Variants in PLCE1 observed in about 807,000 individuals in gnomAD.
PLCE1 encodes the protein 1-phosphatidylinositol 4,5-bisphosphate phosphodiesterase epsilon-1.
A neutral mutation model predicts 242.8 loss-of-function variants in PLCE1; 119 were observed. The ratio of observed to expected loss-of-function variants is 0.49; its 90% CI spans 0.42 to 0.57. PLCE1 has a LOEUF of 0.57. Ranked by LOEUF, PLCE1 falls within the 20% of genes least tolerant of loss-of-function variation. PLCE1 has a pLI of 0.00. For missense variants in PLCE1, 2,441 were observed against 2,788.8 expected (o/e 0.88, Z 2.81); for synonymous variants, 945 against 1,017.4 (o/e 0.93, Z 1.35).
At chr10:94,287,366 AC>A (rs2052487751) in intron 22 of PLCE1, 1 of 151,778 alleles carries the variant, frequency 6.6e-6, no homozygotes, top group Non-Finnish European at 1.5e-5. Context: ...AATACTATAA[AC>A]TGTTCATTTT....
intron 3 of PLCE1, among the ~76,000 whole-genome samples, chr10:94,140,083 GA>G (rs920036723): frequency 1.0e-4 from 15 of 150,358 alleles, no homozygotes; most frequent in African/African-American, 2.4e-4. Context: ...TTATGTATTA[GA>G]AAAAAAAACT....
At chr10:94,204,109 T>TA (rs954315456) in intron 4 of PLCE1, among the ~76,000 whole-genome samples, 1 of 151,894 alleles carries the variant, frequency 6.6e-6, no homozygotes, top group Non-Finnish European at 1.5e-5. Context: ...AATGGTAGAA[T>TA]AAAAAAACTA....
At chr10:94,147,371 A>G (rs1322152487) in intron 3 of PLCE1, among the ~76,000 whole-genome samples, 1 of 152,050 alleles carries the variant, frequency 6.6e-6, no homozygotes, top group Non-Finnish European at 1.5e-5. Context: ...GCAGTGAGCC[A>G]AGATGGCGCC....
chr10:94,273,414 G>C (rs2051822987), intron 18 of PLCE1, 148 bp from the exon 19 acceptor site: 2 of 779,906 alleles, frequency 2.6e-6, no homozygotes, highest in Admixed American at 4.5e-5. Flanking sequence ...GGCAGGAGCA[G>C]GGGACAGCTT....
intron 1 of PLCE1, among the ~76,000 whole-genome samples, chr10:94,008,772 C>A: frequency 6.6e-6 from 1 of 152,166 alleles, no homozygotes; most frequent in East Asian, 1.9e-4. Flanking sequence ...AACAAGCCAT[C>A]TGGGGCAACA....
chr10:94,093,896 G>A (rs1020483452), intron 2 of PLCE1, among the ~76,000 whole-genome samples: 1 of 150,704 alleles, frequency 6.6e-6, no homozygotes, highest in African/African-American at 2.4e-5. Context: ...GAGATGTGGA[G>A]TGGAGATGAA....
intron 19 of PLCE1, chr10:94,279,438 G>A (rs1353233208): frequency 3.0e-6 from 1 of 337,126 alleles, no homozygotes; most frequent in Non-Finnish European, 5.5e-6. Context: ...AAATTGATGG[G>A]TGATTCACTT....
intron 14 of PLCE1, 117 bp from the exon 15 acceptor site, chr10:94,265,530 T>A (rs1341069921): frequency 8.0e-6 from 7 of 876,334 alleles, no homozygotes; most frequent in African/African-American, 3.3e-5. Context: ...AGTTCAAATA[T>A]TTGGTTTAGA....
chr10:94,236,040 T>C lies in PLCE1; in HGVS notation c.2340T>C (p.Ser780=). The C allele has an allele frequency of 6.2e-7, 1 of 1,614,116 alleles. No homozygotes were observed. The highest frequency in any genetic ancestry group is 8.5e-7 in the Non-Finnish European group (1 of 1,179,994). ...IFQVIRSCNR[S]LETDEEDSPS... ...AGGTCATCCGGAGCTGCAATCGAAG[T>C]CTGGAGACAGACGAGGAGGACAGCC... Residue 780 remains serine, a synonymous_variant, in exon 7 of 33, where the codon AGT becomes AGC. Transcript: ENST00000371380.
chr10:94,088,244 G>T (rs2044914928), intron 2 of PLCE1: 1 of 152,218 alleles, frequency 6.6e-6, no homozygotes, highest in Non-Finnish European at 1.5e-5. Context: ...ATGCATGAAA[G>T]TGCTTACACA....
At chr10:94,172,690 G>A (rs2048021488) in intron 4 of PLCE1, among the ~76,000 whole-genome samples, 1 of 152,120 alleles carries the variant, frequency 6.6e-6, no homozygotes, top group African/African-American at 2.4e-5. Context: ...TGGGCATGGT[G>A]GTGCACACCT....
At chr10:94,319,961 C>A (rs1484802783) in intron 29 of PLCE1, among the ~76,000 whole-genome samples, 1 of 149,888 alleles carries the variant, frequency 6.7e-6, no homozygotes, top group African/African-American at 2.5e-5. Context: ...ATTCCGCCTC[C>A]CGGGTTCACA....
chr10:94,233,674 G>A (rs541281321), intron 5 of PLCE1, among the ~76,000 whole-genome samples: 17 of 152,278 alleles, frequency 1.1e-4, no homozygotes, highest in East Asian at 7.7e-4. Context: ...GGGGCTGGGC[G>A]CGGTGGCTCA....
chr10:94,324,020 A>C (rs979292115), intron 30 of PLCE1, among the ~76,000 whole-genome samples: 3 of 152,226 alleles, frequency 2.0e-5, no homozygotes, highest in Admixed American at 2.0e-4. Flanking sequence ...TGGTACATGC[A>C]GAAAATCTGG....
Position 94,171,196 on chromosome 10 carries a change from C to T in PLCE1, c.1509C>T (p.Pro503=). The T allele has an allele frequency of 6.2e-7, 1 of 1,614,192 alleles. No individual in the cohort carries two copies. Among genetic ancestry groups the T allele is most frequent in the South Asian group, 1.1e-5 (1 of 91,084 alleles). Residue 503 remains proline, a synonymous_variant, in exon 4 of 33, where the codon CCC becomes CCT. Coordinates refer to ENST00000371380, the MANE Select transcript of PLCE1 (RefSeq NM_016341.4). ...RMMLKERQPG[P]SVANSNALPS... ...TTGTTTTAGAACGCCAGCCAGGCCCCTCTGTGGCCAATTCCAATGCCCTCC... is the reference window on the plus strand; with the variant it reads ...TTGTTTTAGAACGCCAGCCAGGCCCTTCTGTGGCCAATTCCAATGCCCTCC...
chr10:94,281,140 C>G (rs1288677422), intron 20 of PLCE1, among the ~76,000 whole-genome samples: 1 of 152,138 alleles, frequency 6.6e-6, no homozygotes, highest in Non-Finnish European at 1.5e-5. Context: ...TTATTCTTCC[C>G]CATGGTTTTC....
At chr10:94,039,966 A>G (rs962507758) in intron 2 of PLCE1, among the ~76,000 whole-genome samples, 1 of 152,222 alleles carries the variant, frequency 6.6e-6, no homozygotes, top group Non-Finnish European at 1.5e-5. Context: ...ATTTAGATAT[A>G]TGTATAGGTA....
At position 94,245,979 on chromosome 10, in the gene PLCE1, T is replaced by C. The variant is rs919661699; in HGVS notation, c.2454T>C (p.Asn818=). The change falls in exon 8 of 33, where the codon AAT becomes AAC. Residue 818 remains asparagine, a synonymous_variant. Coordinates refer to ENST00000371380, the MANE Select transcript of PLCE1 (RefSeq NM_016341.4). ...FIIGDLLDSD[N]DIFEQSKEYD... ...TTGGAGATTTGTTGGATTCAGACAA[T>C]GACATCTTTGAGCAATCCAAAGAAT... is the stretch of plus-strand genomic sequence containing the variant. The C allele has an allele frequency of 1.9e-6, 3 of 1,614,122 alleles. No individual in the cohort carries two copies. The highest frequency in any genetic ancestry group is 2.5e-6 in the Non-Finnish European group (3 of 1,179,980).
chr10:94,259,260 G>A (rs1253604917), intron 13 of PLCE1, 110 bp downstream of exon 13: 16 of 1,083,422 alleles, frequency 1.5e-5, no homozygotes, highest in Non-Finnish European at 1.9e-5. Flanking sequence ...TGCTATTACT[G>A]CTGTGTAGGG....
Sources: gnomAD v4.1 joint callset for allele counts (sites outside exome capture counted in the v4.1 genomes callset) on GRCh38, gnomAD v4.1.1 for gene constraint, MANE v1.5 for transcripts, NCBI Gene and HGNC (gene_info 2026-07-23, HGNC 2026-07-21) for gene names.